TMEM63C: variants seen among roughly 807,000 people sequenced by gnomAD.
The protein encoded by TMEM63C is transmembrane protein 63C.
Under a neutral mutation model 99.2 loss-of-function variants are expected in TMEM63C, and 32 were observed. The ratio of observed to expected loss-of-function variants is 0.32; its 90% CI spans 0.24 to 0.43. The LOEUF (loss-of-function observed/expected upper bound fraction) is 0.43, where lower values mean the gene tolerates loss of function less well. Among genes scored for constraint, TMEM63C ranks in the 20% least tolerant of loss-of-function variants. TMEM63C has a pLI of 1.00. For synonymous variants in TMEM63C, 376 were observed against 397.9 expected, an observed-to-expected ratio of 0.94 and a Z score of 0.66; for missense variants, 826 against 1,053.0, an observed-to-expected ratio of 0.78 and a Z score of 2.98.
intron 1 of TMEM63C, chr14:77,212,117 G>A (rs1194864535): frequency 6.6e-6 from 1 of 152,132 alleles, no homozygotes; most frequent in African/African-American, 2.4e-5. Flanking sequence ...ATAAGCTGAG[G>A]AGGAGGAGGA....
intron 15 of TMEM63C, among the ~76,000 whole-genome samples, chr14:77,243,327 G>C (rs1223873976): frequency 2.0e-5 from 3 of 152,174 alleles, no homozygotes; most frequent in African/African-American, 7.2e-5. Flanking sequence ...GTTGGAGGGG[G>C]TGTCGTCCTG....
At position 77,239,810 on chromosome 14, in the gene TMEM63C, G is replaced by T. The variant is rs539891076; in HGVS notation, c.930+84G>T. ...GCTCTGTGCCTTTGCCCGCACTGTTGGGCCCCAGGCCTCACTCAGGTCTGC... is the reference window on the plus strand; with the variant it reads ...GCTCTGTGCCTTTGCCCGCACTGTTTGGCCCCAGGCCTCACTCAGGTCTGC... On this transcript the variant is annotated intron_variant, in intron 12 of 23. Transcript: ENST00000298351. The T allele has an allele frequency of 8.3e-5, 128 of 1,533,162 alleles. 1 individual carries two copies. The Middle Eastern group carries it at 1.2e-3, about 14-fold the overall frequency. The allele number at this position is 1,533,162 out of a possible 1,614,324, so 95.0% of individuals were successfully genotyped here.
chr14:77,199,023 G>A (rs2140095713), intron 1 of TMEM63C, among the ~76,000 whole-genome samples: 1 of 152,308 alleles, frequency 6.6e-6, no homozygotes, highest in East Asian at 1.9e-4. Flanking sequence ...GGCAGATAAT[G>A]AACAGCATAT....
chr14:77,193,919 G>T (rs1388967448), intron 1 of TMEM63C, among the ~76,000 whole-genome samples: 2 of 152,066 alleles, frequency 1.3e-5, no homozygotes, highest in Non-Finnish European at 2.9e-5. Context: ...AAGATCACTT[G>T]AGCCCAGGAA....
At chr14:77,225,689 G>A (rs563858341) in intron 6 of TMEM63C, among the ~76,000 whole-genome samples, 3 of 152,296 alleles carry the variant, frequency 2.0e-5, no homozygotes, top group South Asian at 4.1e-4. Context: ...CAGTCCTTAG[G>A]GAAGGACCAC....
chr14:77,227,931 C>G (rs150176587), intron 6 of TMEM63C, among the ~76,000 whole-genome samples: 84 of 152,246 alleles, frequency 5.5e-4, no homozygotes, highest in Non-Finnish European at 1.0e-3. Flanking sequence ...GGGAACAGAT[C>G]AGAGAGTGGA....
chr14:77,205,390 G>A (rs186654184), intron 1 of TMEM63C, among the ~76,000 whole-genome samples: 1 of 152,198 alleles, frequency 6.6e-6, no homozygotes, highest in East Asian at 1.9e-4. Context: ...TTTCAGCCAA[G>A]GCCTTTCTCA....
intron 6 of TMEM63C, among the ~76,000 whole-genome samples, chr14:77,230,301 C>G (rs1888915138): frequency 6.6e-6 from 1 of 152,164 alleles, no homozygotes; most frequent in African/African-American, 2.4e-5. Flanking sequence ...CAGCAGCTCT[C>G]TTCCTGTCCC....
chr14:77,201,976 C>T lies in TMEM63C; in HGVS notation c.-76-11470C>T, dbSNP rs114807120. Reference sequence around the variant, plus strand: ...CCAGGTGGCCCTAGACCAGACAGGACGCTGCTCCCACCTGCTCTTGAGTCC... The same window carrying T: ...CCAGGTGGCCCTAGACCAGACAGGATGCTGCTCCCACCTGCTCTTGAGTCC... On this transcript the variant is annotated intron_variant, in intron 1 of 23. Coordinates refer to ENST00000298351, the MANE Select transcript of TMEM63C (RefSeq NM_020431.4). 4.2e-3 allele frequency among the ~76,000 whole-genome samples: 645 copies of T among 152,282 alleles called. 9 individuals carry two copies. The highest frequency in any genetic ancestry group is 0.015 in the African/African-American group (612 of 41,542).
chr14:77,214,543 G>C (rs1472401801), intron 2 of TMEM63C, among the ~76,000 whole-genome samples: 4 of 151,890 alleles, frequency 2.6e-5, no homozygotes, highest in Admixed American at 2.6e-4. Flanking sequence ...TGGCAACATT[G>C]AGACTCTTCC....
intron 6 of TMEM63C, among the ~76,000 whole-genome samples, chr14:77,228,351 T>G (rs2140116353): frequency 6.6e-6 from 1 of 152,110 alleles, no homozygotes; most frequent in East Asian, 1.9e-4. Context: ...CCTCAGGCAG[T>G]GCAAGAGGAC....
chr14:77,251,292 C>T (rs907503244), intron 21 of TMEM63C, among the ~76,000 whole-genome samples: 5 of 152,200 alleles, frequency 3.3e-5, no homozygotes, highest in Non-Finnish European at 7.3e-5. Context: ...CAACATTTAC[C>T]TAGTTAGAAA....
intron 1 of TMEM63C, among the ~76,000 whole-genome samples, chr14:77,187,520 G>T (rs1888023365): frequency 1.3e-5 from 2 of 152,228 alleles, no homozygotes; most frequent in African/African-American, 4.8e-5. Flanking sequence ...CTCCATGGAG[G>T]GGCTTCTTGG....
chr14:77,193,028 A>G (rs1888137290), intron 1 of TMEM63C, among the ~76,000 whole-genome samples: 2 of 152,260 alleles, frequency 1.3e-5, no homozygotes, highest in Admixed American at 6.5e-5. Context: ...ATGAATGACA[A>G]TTTGCAATAC....
chr14:77,199,522 G>A (rs1888262868), intron 1 of TMEM63C, among the ~76,000 whole-genome samples: 2 of 152,016 alleles, frequency 1.3e-5, no homozygotes, highest in South Asian at 4.2e-4. Context: ...CCTCTCATTT[G>A]TCCCTCTGCC....
At chr14:77,194,332 A>ATGTGTGTG (rs1363601543) in intron 1 of TMEM63C, among the ~76,000 whole-genome samples, 63 of 59,398 alleles carry the variant, frequency 1.1e-3, no homozygotes, top group Non-Finnish European at 1.9e-3. Flanking sequence ...ATAGATATAT[A>ATGTGTGTG]TATATGTGTG....
rs1429612957 is a variant in TMEM63C at position 77,248,787 on chromosome 14, G to C, written c.1785G>C (p.Gln595His). ...NIRKNQAIDF[Q>H]FGREYAWMMN... ...CCCAGAACCAGGCCATAGACTTCCA[G>C]TTTGGGCGTGAGTATGCGTGGATGA... The change falls in exon 20 of 24, where the codon CAG becomes CAC. Residue 595 changes from glutamine to histidine, a missense_variant. Coordinates refer to ENST00000298351, the MANE Select transcript of TMEM63C (RefSeq NM_020431.4). 1 of 1,613,974 alleles carries C rather than the reference G, an allele frequency of 6.2e-7. No homozygotes were observed. The highest frequency in any genetic ancestry group is 8.5e-7 in the Non-Finnish European group (1 of 1,179,912).
intron 1 of TMEM63C, among the ~76,000 whole-genome samples, chr14:77,190,627 G>A (rs1258526856): frequency 6.6e-6 from 1 of 152,222 alleles, no homozygotes; most frequent in Non-Finnish European, 1.5e-5. Context: ...AACTATTAAT[G>A]TAATTGAACA....
intron 18 of TMEM63C, among the ~76,000 whole-genome samples, chr14:77,247,207 GC>G (rs1432797942): frequency 6.9e-6 from 1 of 145,800 alleles, no homozygotes; most frequent in Non-Finnish European, 1.5e-5. Context: ...ACAAGATATT[GC>G]TTTTTTTTTT....
Sources: gnomAD v4.1 joint callset for allele counts (sites outside exome capture counted in the v4.1 genomes callset) on GRCh38, gnomAD v4.1.1 for gene constraint, MANE v1.5 for transcripts, NCBI Gene and HGNC (gene_info 2026-07-23, HGNC 2026-07-21) for gene names.